OR11A1: variants seen among roughly 807,000 people sequenced by gnomAD.
OR11A1 encodes the protein olfactory receptor 11A1.
For missense variants in OR11A1, 380 were observed against 378.2 expected (o/e 1.00, Z -0.04); for synonymous variants, 158 against 152.2 (o/e 1.04, Z -0.28).
At chr6:29,455,996 TAAGCAGGTGG>T (rs1216691562) in intron 1 of OR11A1, among the ~76,000 whole-genome samples, 1 of 149,864 alleles carries the variant, frequency 6.7e-6, no homozygotes, top group Non-Finnish European at 1.5e-5. Flanking sequence ...TTGGGAGGCC[TAAGCAGGTGG>T]ATCACCTGAA....
At chr6:29,443,607 T>A (rs1190096449) in intron 1 of OR11A1, among the ~76,000 whole-genome samples, 1 of 152,234 alleles carries the variant, frequency 6.6e-6, no homozygotes, top group Admixed American at 6.5e-5. Context: ...ATGAAGGTTC[T>A]ATGAACATTT....
At chr6:29,434,486 A>G (rs543176982) in intron 1 of OR11A1, among the ~76,000 whole-genome samples, 2 of 152,268 alleles carry the variant, frequency 1.3e-5, no homozygotes, top group Admixed American at 6.5e-5. Flanking sequence ...TGTTAATGTT[A>G]TGTATCACAT....
chr6:29,428,660 G>A (rs1166160187), intron 4 of OR11A1, among the ~76,000 whole-genome samples: 1 of 150,622 alleles, frequency 6.6e-6, no homozygotes, highest in Non-Finnish European at 1.5e-5. Flanking sequence ...GGGATGCCGA[G>A]GCAGAAGAAT....
At chr6:29,448,825 T>C (rs1785041758) in intron 1 of OR11A1, among the ~76,000 whole-genome samples, 1 of 152,206 alleles carries the variant, frequency 6.6e-6, no homozygotes. Flanking sequence ...TATTACCCAG[T>C]AGCTCTCATC....
At chr6:29,428,452 G>T in intron 4 of OR11A1, 1 of 968,842 alleles carries the variant, frequency 1.0e-6, no homozygotes, top group Non-Finnish European at 1.2e-6. Flanking sequence ...AGTTTTGAGG[G>T]CCAATTAAGA....
Position 29,431,906 on chromosome 6 carries a change from G to A in OR11A1, c.-307C>T, listed in dbSNP as rs1783254506. The A allele has an allele frequency of 1.0e-6, 1 of 985,228 alleles. No individual in the cohort carries two copies. The highest frequency in any genetic ancestry group is 1.7e-5 in the African/African-American group (1 of 57,228). The allele number at this position is 985,228 out of a possible 1,614,324, so 61.0% of individuals were successfully genotyped here. ...TTCTCTAAAGACAGGACTGTGAGGA[G>A]GAGATGATCTGCTAAGATTTGCTGA... On this transcript the variant is annotated 5_prime_UTR_variant, in exon 2 of 5. Transcript: ENST00000377149.
chr6:29,427,703 T>A lies in OR11A1; in HGVS notation c.-62A>T. 6.5e-7 allele frequency: 1 copy of A among 1,544,262 alleles called. No homozygotes were observed. The highest frequency in any genetic ancestry group is 1.3e-5 in the South Asian group (1 of 78,700). The stretch of plus-strand genomic sequence containing the variant: ...GGAGAAATTTTAGCATGTCTCTGCA[T>A]CTTCTATACCAAGCCTAACGTTATT... On this transcript the variant is annotated 5_prime_UTR_variant, in exon 5 of 5. It removes an upstream start codon present in the reference 5' UTR. Coordinates refer to ENST00000377149, the MANE Select transcript of OR11A1 (RefSeq NM_001394828.1).
intron 1 of OR11A1, among the ~76,000 whole-genome samples, chr6:29,438,384 A>G (rs1365868552): frequency 6.6e-6 from 1 of 151,504 alleles, no homozygotes; most frequent in African/African-American, 2.4e-5. Context: ...TCTCTTTTAT[A>G]TTATTAGTTA....
intron 1 of OR11A1, among the ~76,000 whole-genome samples, chr6:29,442,869 G>T (rs1582583709): frequency 6.6e-6 from 1 of 152,334 alleles, no homozygotes; most frequent in African/African-American, 2.4e-5. Context: ...CCAAGCTAAA[G>T]CAGATGAGCA....
At chr6:29,435,634 A>C (rs553206334) in intron 1 of OR11A1, among the ~76,000 whole-genome samples, 1 of 152,360 alleles carries the variant, frequency 6.6e-6, no homozygotes, top group East Asian at 1.9e-4. Context: ...TTATCTTTGA[A>C]AACTTCTTGA....
At chr6:29,427,848 C>T (rs1478678250) in intron 4 of OR11A1, 116 bp from the exon 5 acceptor site, 5 of 754,532 alleles carry the variant, frequency 6.6e-6, no homozygotes, top group Non-Finnish European at 8.2e-6. Flanking sequence ...TCTCATCCTT[C>T]CCTGCCTTCC....
At chr6:29,430,447 T>C in intron 2 of OR11A1, 22 bp from the exon 3 acceptor site, 1 of 985,356 alleles carries the variant, frequency 1.0e-6, no homozygotes, top group Non-Finnish European at 1.2e-6. Context: ...GAGGTGAGCA[T>C]GTAAATCAGG....
At chr6:29,444,007 T>C (rs1165965267) in intron 1 of OR11A1, among the ~76,000 whole-genome samples, 1 of 151,892 alleles carries the variant, frequency 6.6e-6, no homozygotes, top group East Asian at 1.9e-4. Context: ...AAGTATTGAA[T>C]GGAAAATCCC....
intron 1 of OR11A1, among the ~76,000 whole-genome samples, chr6:29,441,129 A>C (rs907411320): frequency 5.3e-5 from 8 of 152,188 alleles, no homozygotes; most frequent in Non-Finnish European, 1.0e-4. Flanking sequence ...CCCTCACAAC[A>C]CATACATATT....
intron 1 of OR11A1, chr6:29,440,087 C>T (rs1582568671): frequency 6.2e-7 from 1 of 1,613,250 alleles, no homozygotes. Context: ...ACCTCCAGGG[C>T]TTGCTCTTCT....
chr6:29,440,511 C>T (rs764703604), intron 1 of OR11A1: 5 of 1,613,714 alleles, frequency 3.1e-6, no homozygotes, highest in Non-Finnish European at 4.2e-6. Context: ...CTTCTCTTTG[C>T]CCTTCTGCGG....
At chr6:29,451,995 A>G (rs1785451645) in intron 1 of OR11A1, among the ~76,000 whole-genome samples, 1 of 152,118 alleles carries the variant, frequency 6.6e-6, no homozygotes, top group Admixed American at 6.6e-5. Context: ...AATACTATAC[A>G]CCCATGAAAA....
intron 1 of OR11A1, among the ~76,000 whole-genome samples, chr6:29,437,606 CT>C (rs1460425818): frequency 6.8e-6 from 1 of 146,188 alleles, no homozygotes; most frequent in Admixed American, 6.7e-5. Flanking sequence ...CATCTCCCAT[CT>C]TTGCTTTGTC....
rs1785611706 is a variant in OR11A1 at position 29,453,098 on chromosome 6, A to G, written c.-389+3889T>C. On this transcript the variant is annotated intron_variant, in intron 1 of 4. Transcript: ENST00000377149. This position sits in a 1 kb window ranked among gnomAD's most constrained non-coding sequence, Gnocchi z 4.5. ...TCAGGATCCATATGGTATCCCCAAG[A>G]AAAAAACTTGCACTTTAAATATAAA... Among the ~76,000 whole-genome samples, 1 of 150,838 alleles carries G rather than the reference A, an allele frequency of 6.6e-6. No homozygotes were observed. Among genetic ancestry groups the G allele is most frequent in the Non-Finnish European group, 1.5e-5 (1 of 67,698 alleles).
Sources: allele counts gnomAD v4.1 joint callset (sites outside exome capture counted in the v4.1 genomes callset), GRCh38; gene constraint gnomAD v4.1.1; non-coding constraint Gnocchi (gnomAD v3.1); transcripts MANE v1.5; gene names NCBI Gene and HGNC (gene_info 2026-07-23, HGNC 2026-07-21).